Variants in STXBP6 observed in about 807,000 individuals in gnomAD.
The protein encoded by STXBP6 is syntaxin-binding protein 6.
Under a neutral mutation model 26.9 loss-of-function variants are expected in STXBP6, and 21 were observed. The ratio of observed to expected loss-of-function variants is 0.78; its 90% CI spans 0.55 to 1.12. The LOEUF (loss-of-function observed/expected upper bound fraction) is 1.12. Among genes scored for constraint, STXBP6 ranks in the 50% most tolerant of loss-of-function variants. The probability of loss-of-function intolerance (pLI) is 0.00; values close to 1 mark genes in which losing one functional copy is unlikely to be tolerated. For missense variants in STXBP6, 232 were observed against 257.9 expected (o/e 0.90, Z 0.69); for synonymous variants, 97 against 92.6 (o/e 1.05, Z -0.27).
chr14:24,976,851 TC>T (rs2074057920), intron 1 of STXBP6, among the ~76,000 whole-genome samples: 11 of 115,684 alleles, frequency 9.5e-5, no homozygotes, highest in Admixed American at 4.5e-4. Flanking sequence ...GACTGGGCGC[TC>T]TTTTTTTTTT....
chr14:24,950,890 C>T (rs980960840), intron 2 of STXBP6, among the ~76,000 whole-genome samples: 1 of 152,136 alleles, frequency 6.6e-6, no homozygotes, highest in Non-Finnish European at 1.5e-5. Context: ...TATCCCTCCC[C>T]CAGTCCCCTT....
intron 2 of STXBP6, among the ~76,000 whole-genome samples, chr14:24,863,768 C>T (rs1015311397): frequency 6.6e-6 from 1 of 152,082 alleles, no homozygotes; most frequent in African/African-American, 2.4e-5. Context: ...GATTTTTTAA[C>T]TTCCTTAGAC....
intron 2 of STXBP6, among the ~76,000 whole-genome samples, chr14:24,919,698 A>C (rs2071912185): frequency 6.6e-6 from 1 of 151,946 alleles, no homozygotes. Flanking sequence ...CATACCCTTA[A>C]TTTCTTTGTG....
intron 2 of STXBP6, among the ~76,000 whole-genome samples, chr14:24,962,938 C>A (rs2073599329): frequency 6.6e-6 from 1 of 150,662 alleles, no homozygotes; most frequent in South Asian, 2.1e-4. Flanking sequence ...GTATGGTACT[C>A]AAGGCGACAT....
intron 1 of STXBP6, among the ~76,000 whole-genome samples, chr14:24,984,900 G>C (rs2074293792): frequency 6.6e-6 from 1 of 152,182 alleles, no homozygotes; most frequent in South Asian, 2.1e-4. Flanking sequence ...GACTCCAGAA[G>C]CCTTTGCTCT....
In STXBP6 at chr14:24,810,865, C is replaced by CTGTGTGTGTGTGTGTGTGTGTGTGTG. The variant is rs3219695; in HGVS notation, c.*1818_*1843dup. ...CCAATTTGGAAAGATAAATACATCT[C>CTGTGTGTGTGTGTGTGTGTGTGTGTG]TGTGTGTGTGTGTGTGTGTGTGTGT... On this transcript the variant is annotated 3_prime_UTR_variant, in exon 6 of 6. Transcript: ENST00000323944. 36 of 137,666 alleles carry CTGTGTGTGTGTGTGTGTGTGTGTGTG rather than the reference C, an allele frequency of 2.6e-4. No individual in the cohort carries two copies. The highest frequency in any genetic ancestry group is 8.8e-4 in the African/African-American group (32 of 36,342). 8.5% of individuals were successfully genotyped at this position (137,666 alleles called of 1,614,324 possible).
intron 1 of STXBP6, among the ~76,000 whole-genome samples, chr14:24,976,525 G>A (rs1323433881): frequency 1.3e-5 from 2 of 152,040 alleles, no homozygotes; most frequent in African/African-American, 4.8e-5. Flanking sequence ...CTTCATGCTG[G>A]CCAAGAACAA....
rs143563663 is a variant in STXBP6, at chr14:24,857,065, C to T, written c.247G>A (p.Glu83Lys). 8.7e-6 allele frequency: 14 copies of T among 1,612,814 alleles called. No individual in the cohort carries two copies. The African/African-American group carries it at 1.5e-4, about 17-fold the overall frequency. Residue 83 changes from glutamate to lysine, a missense_variant, in exon 3 of 6, where the codon GAG becomes AAG. Transcript: ENST00000323944. Reference protein sequence around the residue: ...SFVRRSQWMLEQLRQVNGIDP... With the variant: ...SFVRRSQWMLKQLRQVNGIDP... ...ATACCATTAACCTGGCGAAGCTGCT[C>T]GAGCATCCACTGTGATCTCCGAACA...
At chr14:24,894,403 G>A (rs893228418) in intron 2 of STXBP6, among the ~76,000 whole-genome samples, 1 of 152,200 alleles carries the variant, frequency 6.6e-6, no homozygotes, top group African/African-American at 2.4e-5. Flanking sequence ...GGGGATGCCA[G>A]GAGGTGCTGT....
intron 1 of STXBP6, among the ~76,000 whole-genome samples, chr14:24,980,450 C>A (rs1488938557): frequency 2.0e-5 from 3 of 152,158 alleles, no homozygotes; most frequent in African/African-American, 2.4e-5. Context: ...GTCCACCAAC[C>A]AGTTTTTCCA....
chr14:24,939,276 C>G (rs2072714646), intron 2 of STXBP6, among the ~76,000 whole-genome samples: 1 of 152,160 alleles, frequency 6.6e-6, no homozygotes, highest in Non-Finnish European at 1.5e-5. Flanking sequence ...AATTGCGGAT[C>G]TTGGTGTTTG....
At chr14:24,981,561 C>A (rs1339864443) in intron 1 of STXBP6, among the ~76,000 whole-genome samples, 1 of 152,152 alleles carries the variant, frequency 6.6e-6, no homozygotes, top group East Asian at 1.9e-4. Context: ...CGTGCCCAGC[C>A]CAGATATGTG....
chr14:24,830,061 T>C (rs2068412061), intron 4 of STXBP6, among the ~76,000 whole-genome samples: 1 of 151,998 alleles, frequency 6.6e-6, no homozygotes, highest in South Asian at 2.1e-4. Flanking sequence ...TGTGCAAAGA[T>C]TTGAAAGGGG....
chr14:24,953,144 T>C (rs887111475), intron 2 of STXBP6, among the ~76,000 whole-genome samples: 4 of 152,168 alleles, frequency 2.6e-5, no homozygotes, highest in African/African-American at 9.6e-5. Context: ...CCTTGACTCA[T>C]GGCGACATCA....
chr14:24,981,818 T>C (rs557855336), intron 1 of STXBP6, among the ~76,000 whole-genome samples: 9 of 152,260 alleles, frequency 5.9e-5, no homozygotes, highest in African/African-American at 2.2e-4. Context: ...TCAATCTTCA[T>C]TGGTTAAATA....
chr14:25,038,796 T>C (rs1362552251), intron 1 of STXBP6, among the ~76,000 whole-genome samples: 1 of 151,922 alleles, frequency 6.6e-6, no homozygotes, highest in Non-Finnish European at 1.5e-5. Flanking sequence ...CCTACACGTG[T>C]ACCCTCGAAA....
At chr14:25,033,131 T>C (rs2140475248) in intron 1 of STXBP6, among the ~76,000 whole-genome samples, 1 of 152,310 alleles carries the variant, frequency 6.6e-6, no homozygotes. Flanking sequence ...GACTATAGTC[T>C]ACCTGGGGAG....
At chr14:24,916,761 G>T (rs1161404604) in intron 2 of STXBP6, among the ~76,000 whole-genome samples, 1 of 152,020 alleles carries the variant, frequency 6.6e-6, no homozygotes, top group Non-Finnish European at 1.5e-5. Flanking sequence ...GTAACCGTGG[G>T]TGCTTGTTAG....
chr14:25,049,864 C>T lies in STXBP6; in HGVS notation c.-33+14G>A, dbSNP rs2075779579. Reference sequence around the variant, plus strand: ...TCCGCCCTGACCGCCTGGCTCCCCTCGCCCCGGTCCTACCGTGCAGCCTGG... The same window carrying T: ...TCCGCCCTGACCGCCTGGCTCCCCTTGCCCCGGTCCTACCGTGCAGCCTGG... On this transcript the variant is annotated intron_variant, in intron 1 of 5. Coordinates refer to ENST00000323944, the MANE Select transcript of STXBP6 (RefSeq NM_001394410.1). The surrounding 1 kb of genome is among the most constrained non-coding windows in gnomAD (Gnocchi z 5.6). 1 of 985,488 alleles carries T rather than the reference C, an allele frequency of 1.0e-6. No individual in the cohort carries two copies. The highest frequency in any genetic ancestry group is 1.2e-6 in the Non-Finnish European group (1 of 830,044). 61.0% of individuals were successfully genotyped at this position (985,488 alleles called of 1,614,324 possible).
Sources: allele counts gnomAD v4.1 joint callset (sites outside exome capture counted in the v4.1 genomes callset), GRCh38; gene constraint gnomAD v4.1.1; non-coding constraint Gnocchi (gnomAD v3.1); transcripts MANE v1.5; gene names NCBI Gene and HGNC (gene_info 2026-07-23, HGNC 2026-07-21).